Variants in SPATS2L observed in about 807,000 individuals in gnomAD.
SPATS2L encodes the protein SPATS2-like protein.
In SPATS2L, 30 loss-of-function variants were observed where a neutral mutation model predicts 59.6. The ratio of observed to expected loss-of-function variants is 0.50; its 90% CI spans 0.38 to 0.68. SPATS2L has a LOEUF of 0.68. Among genes scored for constraint, SPATS2L ranks in the 30% least tolerant of loss-of-function variants. The pLI, the probability that SPATS2L is intolerant of heterozygous loss-of-function variation, is 0.00. For synonymous variants in SPATS2L, 252 were observed against 263.5 expected (o/e 0.96, Z 0.42); for missense variants, 615 against 700.0 (o/e 0.88, Z 1.37).
intron 2 of SPATS2L, among the ~76,000 whole-genome samples, chr2:200,388,206 A>ATTTAC (rs2082052927): frequency 6.6e-6 from 1 of 152,170 alleles, no homozygotes; most frequent in African/African-American, 2.4e-5. Context: ...TTGGAGAGTA[A>ATTTAC]GGCAGGAGAG....
intron 2 of SPATS2L, among the ~76,000 whole-genome samples, chr2:200,361,688 C>T (rs62179523): frequency 6.6e-6 from 1 of 152,210 alleles, no homozygotes; most frequent in South Asian, 2.1e-4. Flanking sequence ...CCTTTGCCAT[C>T]ATGCACCTGT....
At chr2:200,403,302 A>G (rs906870487) in intron 3 of SPATS2L, among the ~76,000 whole-genome samples, 2 of 151,860 alleles carry the variant, frequency 1.3e-5, no homozygotes, top group African/African-American at 4.9e-5. Context: ...GCTTGATCAG[A>G]TAGTAAAAAC....
At chr2:200,351,059 T>C (rs1233033979) in intron 2 of SPATS2L, 6 of 345,280 alleles carry the variant, frequency 1.7e-5, no homozygotes, top group Non-Finnish European at 2.3e-5. Context: ...TTTTGTGTTA[T>C]CACCAAAAGT....
chr2:200,421,835 C>T (rs112688048), intron 6 of SPATS2L, among the ~76,000 whole-genome samples: 5 of 149,208 alleles, frequency 3.4e-5, no homozygotes, highest in African/African-American at 1.3e-4. Context: ...TTATTGCTTT[C>T]ACATGAATTA....
intron 2 of SPATS2L, chr2:200,378,313 G>A: frequency 1.0e-6 from 1 of 1,002,584 alleles, no homozygotes. Flanking sequence ...TCCTGAGAAA[G>A]CCAGTCGCTG....
At chr2:200,331,013 A>C (rs1423443201) in intron 2 of SPATS2L, among the ~76,000 whole-genome samples, 1 of 152,202 alleles carries the variant, frequency 6.6e-6, no homozygotes, top group Non-Finnish European at 1.5e-5. Context: ...TACAGCTCAA[A>C]GGCTTTACTT....
intron 1 of SPATS2L, among the ~76,000 whole-genome samples, chr2:200,316,061 T>C (rs983905338): frequency 6.6e-6 from 1 of 150,450 alleles, no homozygotes; most frequent in African/African-American, 2.4e-5. Flanking sequence ...ATGCAGAGCT[T>C]TATGTGTTCA....
At chr2:200,324,264 A>G (rs2079659626) in intron 1 of SPATS2L, among the ~76,000 whole-genome samples, 1 of 152,144 alleles carries the variant, frequency 6.6e-6, no homozygotes, top group South Asian at 2.1e-4. Context: ...AATGATTGAA[A>G]TGTCTCTGTG....
intron 3 of SPATS2L, chr2:200,389,544 A>G: frequency 2.7e-6 from 1 of 369,102 alleles, no homozygotes; most frequent in South Asian, 5.4e-5. Context: ...TCCATTTTAC[A>G]GAGGTGGAAA....
At chr2:200,306,565 C>G (rs1434221325), upstream of SPATS2L, 20 of 997,956 alleles carry the variant, frequency 2.0e-5, no homozygotes, top group Non-Finnish European at 2.2e-5. Context: ...TGTTTGCGAG[C>G]GGGAGCGAGG....
At chr2:200,425,140 C>G (rs1028487967) in intron 6 of SPATS2L, among the ~76,000 whole-genome samples, 1 of 118,946 alleles carries the variant, frequency 8.4e-6, no homozygotes. Context: ...CCCCCCCCCC[C>G]CCCGCCATTT....
At position 200,438,837 on chromosome 2, in the gene SPATS2L, A is replaced by G. The variant is rs576117939; in HGVS notation, c.446-285A>G. 2.6e-5 allele frequency among the ~76,000 whole-genome samples: 4 copies of G among 152,260 alleles called. No homozygotes were observed. In the South Asian group the frequency reaches 6.2e-4, roughly 24 times the overall value. ...ATAAGCCTCTTAATAACCTTCCTGG[A>G]TAGTTATGGATGAGGAAACTAGGGC... On this transcript the variant is annotated intron_variant, in intron 6 of 12. Transcript: ENST00000409140.
At chr2:200,476,526 A>G (rs1304868972) in intron 12 of SPATS2L, among the ~76,000 whole-genome samples, 1 of 152,232 alleles carries the variant, frequency 6.6e-6, no homozygotes, top group Non-Finnish European at 1.5e-5. Flanking sequence ...GGGGTGCCTC[A>G]CTTTCTCAGC....
chr2:200,399,696 A>T lies in SPATS2L; in HGVS notation c.39+10413A>T, dbSNP rs187726486. On this transcript the variant is annotated intron_variant, in intron 3 of 12. Coordinates refer to ENST00000409140, the MANE Select transcript of SPATS2L (RefSeq NM_001100423.2). ...TTAATTGATCAAACCTGTTAAAATG[A>T]AAAATGATATGTAGGTGAACAAATA... is the stretch of plus-strand genomic sequence containing the variant. Among the ~76,000 whole-genome samples, 470 of 152,316 alleles carry T rather than the reference A, an allele frequency of 3.1e-3. 3 individuals are homozygous for T. Among genetic ancestry groups the T allele is most frequent in the African/African-American group, 0.011 (449 of 41,566 alleles).
At chr2:200,424,325 A>T (rs1045398882) in intron 6 of SPATS2L, among the ~76,000 whole-genome samples, 2 of 38,322 alleles carry the variant, frequency 5.2e-5, no homozygotes, top group Non-Finnish European at 1.4e-4. Flanking sequence ...TATCTCTTTA[A>T]AAAAAAAAGA....
At chr2:200,413,863 C>T (rs567863492) in intron 4 of SPATS2L, among the ~76,000 whole-genome samples, 13 of 152,186 alleles carry the variant, frequency 8.5e-5, no homozygotes, top group Middle Eastern at 3.4e-3. Context: ...CTGTTTTTTC[C>T]TGCTTCATAT....
chr2:200,367,794 T>G (rs191993494), intron 2 of SPATS2L, among the ~76,000 whole-genome samples: 1 of 152,356 alleles, frequency 6.6e-6, no homozygotes, highest in East Asian at 1.9e-4. Context: ...ATCAACTGAA[T>G]CACATTGTAA....
chr2:200,454,060 TCC>T (rs2085659711), intron 8 of SPATS2L, among the ~76,000 whole-genome samples: 1 of 152,092 alleles, frequency 6.6e-6, no homozygotes, highest in Non-Finnish European at 1.5e-5. Context: ...TGAAGTACTT[TCC>T]CCACAAGAAG....
intron 3 of SPATS2L, among the ~76,000 whole-genome samples, chr2:200,409,364 CT>C (rs144603014): frequency 2.4e-4 from 36 of 147,932 alleles, no homozygotes; most frequent in South Asian, 4.3e-4. Flanking sequence ...ATAATGAGGG[CT>C]TTTTTTTTTA....
Sources: allele counts gnomAD v4.1 joint callset (sites outside exome capture counted in the v4.1 genomes callset), GRCh38; gene constraint gnomAD v4.1.1; transcripts MANE v1.5; gene names NCBI Gene and HGNC (gene_info 2026-07-23, HGNC 2026-07-21).